The following ZFPM2 variants were observed in gnomAD, a reference collection of about 807,000 sequenced individuals.
The protein encoded by ZFPM2 is zinc finger protein, FOG family member 2, also known as zinc finger protein ZFPM2.
ZFPM2 carries 20 observed loss-of-function variants against 98.6 expected under a neutral mutation model. The ratio of observed to expected loss-of-function variants is 0.20; its 90% confidence interval spans 0.14 to 0.29. The LOEUF is 0.29. ZFPM2 is among the 10% of genes least tolerant of loss of function. The pLI, the probability that ZFPM2 is intolerant of heterozygous loss-of-function variation, is 1.00. For missense variants in ZFPM2, 1,310 were observed against 1,388.6 expected (o/e 0.94, Z 0.90); for synonymous variants, 518 against 502.7 (o/e 1.03, Z -0.41).
intron 2 of ZFPM2, among the ~76,000 whole-genome samples, chr8:105,425,421 TGTG>T (rs1811888353): frequency 1.3e-5 from 2 of 152,186 alleles, no homozygotes; most frequent in South Asian, 2.1e-4. Context: ...AGCTCATTAA[TGTG>T]GTTTCCAGAA....
At chr8:105,342,922 A>G (rs956546084) in intron 1 of ZFPM2, among the ~76,000 whole-genome samples, 14 of 152,194 alleles carry the variant, frequency 9.2e-5, no homozygotes, top group Admixed American at 5.2e-4. Flanking sequence ...ATAAAACCAA[A>G]AAAAATAATA....
At chr8:105,419,104 T>A (rs1286027027) in intron 1 of ZFPM2, 40 bp from the exon 2 acceptor site, 1 of 1,592,740 alleles carries the variant, frequency 6.3e-7, no homozygotes, top group Non-Finnish European at 8.5e-7. Flanking sequence ...ACTGTCTTCC[T>A]TGCATATTTT....
Position 105,459,444 on chromosome 8 carries a change from TCAAC to T in ZFPM2, c.301+15067_301+15070del, listed in dbSNP as rs569596720. ...ACCCTAGGGGCTCTCTCTGTGGTGATCAACCAAACTCCACTACTTTCCCCCCAAT... is the reference window on the plus strand; with the variant it reads ...ACCCTAGGGGCTCTCTCTGTGGTGATCAAACTCCACTACTTTCCCCCCAAT... On this transcript the variant is annotated intron_variant, in intron 3 of 7. Transcript: ENST00000407775. Among the ~76,000 whole-genome samples the T allele has an allele frequency of 2.1e-3, 327 of 152,234 alleles. 3 individuals are homozygous for T. The highest frequency in any genetic ancestry group is 3.6e-3 in the Non-Finnish European group (248 of 68,004).
chr8:105,593,406 T>G (rs62527240), intron 4 of ZFPM2, among the ~76,000 whole-genome samples: 1 of 152,048 alleles, frequency 6.6e-6, no homozygotes, highest in Non-Finnish European at 1.5e-5. Flanking sequence ...AAAAAAAAAT[T>G]ATTACCTTAT....
Position 105,561,398 on chromosome 8 carries a change from A to G in ZFPM2, c.337A>G (p.Lys113Glu). 6.2e-7 allele frequency: 1 copy of G among 1,613,582 alleles called. No individual in the cohort carries two copies. The highest frequency in any genetic ancestry group is 8.5e-7 in the Non-Finnish European group (1 of 1,179,654). Residue 113 changes from lysine (K) to glutamate (E), a missense_variant, in exon 4 of 8, where the codon AAA becomes GAA. Coordinates refer to ENST00000407775, the MANE Select transcript of ZFPM2 (RefSeq NM_012082.4). Reference sequence around the variant, plus strand: ...GGTGTTTCAGAAAGATGGGGAACGAAAAATTCAGAGTCGACAGCAACTTCC... The same window carrying G: ...GGTGTTTCAGAAAGATGGGGAACGAGAAATTCAGAGTCGACAGCAACTTCC... ...LEVFQKDGER[K>E]IQSRQQLPVG...
chr8:105,801,532 G>C lies in ZFPM2; in HGVS notation c.1450G>C (p.Val484Leu). Reference protein sequence around the residue: ...PSSPRLASSPVQPNIGPSFPV... With the variant: ...PSSPRLASSPLQPNIGPSFPV... ...TAGCCCAAGACTTGCCTCATCTCCA[G>C]TTCAGCCTAATATTGGGCCTTCTTT... is the stretch of plus-strand genomic sequence containing the variant. The change falls in exon 8 of 8, where the codon GTT (valine) becomes CTT (leucine). Residue 484 changes from valine (V) to leucine (L), a missense_variant. Transcript: ENST00000407775. 6.2e-7 allele frequency: 1 copy of C among 1,613,914 alleles called. No individual in the cohort carries two copies. The highest frequency in any genetic ancestry group is 8.5e-7 in the Non-Finnish European group (1 of 1,179,858).
At chr8:105,789,216 C>T (rs1341044847) in intron 6 of ZFPM2, among the ~76,000 whole-genome samples, 3 of 152,050 alleles carry the variant, frequency 2.0e-5, no homozygotes, top group African/African-American at 7.2e-5. Flanking sequence ...GGTATATCTC[C>T]CAATGCTATC....
chr8:105,765,536 C>A (rs1345669239), intron 5 of ZFPM2, among the ~76,000 whole-genome samples: 1 of 151,746 alleles, frequency 6.6e-6, no homozygotes, highest in East Asian at 1.9e-4. Context: ...TCTAATGAAG[C>A]TTGTATGAAT....
At chr8:105,664,291 TA>T (rs1490892488) in intron 5 of ZFPM2, among the ~76,000 whole-genome samples, 1 of 151,904 alleles carries the variant, frequency 6.6e-6, no homozygotes, top group Non-Finnish European at 1.5e-5. Flanking sequence ...TCACTTTCAT[TA>T]CACTTATACT....
chr8:105,547,199 A>C (rs1172505054), intron 3 of ZFPM2, among the ~76,000 whole-genome samples: 2 of 152,074 alleles, frequency 1.3e-5, no homozygotes, highest in Non-Finnish European at 2.9e-5. Context: ...TACTCTTGCT[A>C]TACATTTTCT....
chr8:105,432,021 C>T (rs1213342459), intron 2 of ZFPM2, among the ~76,000 whole-genome samples: 3 of 151,820 alleles, frequency 2.0e-5, no homozygotes, highest in Non-Finnish European at 2.9e-5. Context: ...GAGGGAACAG[C>T]ATTTGAGCGA....
intron 3 of ZFPM2, among the ~76,000 whole-genome samples, chr8:105,543,489 C>T (rs1814625003): frequency 6.6e-6 from 1 of 152,102 alleles, no homozygotes; most frequent in South Asian, 2.1e-4. Flanking sequence ...ATCATATGGG[C>T]TCTTCCTGAC....
chr8:105,710,435 T>C (rs1811357183), intron 5 of ZFPM2, among the ~76,000 whole-genome samples: 1 of 152,188 alleles, frequency 6.6e-6, no homozygotes, highest in Non-Finnish European at 1.5e-5. Context: ...AAGCAAGTTA[T>C]ATGAACATTC....
chr8:105,408,166 T>C (rs1185883026), intron 1 of ZFPM2, among the ~76,000 whole-genome samples: 1 of 151,952 alleles, frequency 6.6e-6, no homozygotes, highest in African/African-American at 2.4e-5. Flanking sequence ...AGTTTTGTTA[T>C]CACACCCTAC....
rs184474979 is a variant in ZFPM2, at chr8:105,652,494, C to G, written c.532+18137C>G. ...TGGATCAGAAATACATATAGATAAG[C>G]TATTCCCATCTATTTATGCATGTAT... On this transcript the variant is annotated intron_variant, in intron 5 of 7. Coordinates refer to ENST00000407775, the MANE Select transcript of ZFPM2 (RefSeq NM_012082.4). 7.5e-4 allele frequency among the ~76,000 whole-genome samples: 113 copies of G among 151,536 alleles called. 1 individual carries two copies. The East Asian group carries it at 0.02, about 27-fold the overall frequency.
At chr8:105,483,869 G>C (rs376161541) in intron 3 of ZFPM2, among the ~76,000 whole-genome samples, 1 of 151,482 alleles carries the variant, frequency 6.6e-6, no homozygotes, top group East Asian at 2.0e-4. Flanking sequence ...GAGTAGCTGG[G>C]ACTACAGGTG....
chr8:105,551,984 G>A (rs1814865105), intron 3 of ZFPM2, among the ~76,000 whole-genome samples: 3 of 151,988 alleles, frequency 2.0e-5, no homozygotes, highest in Non-Finnish European at 4.4e-5. Context: ...CTAAATTAAC[G>A]ACAGCAGCCT....
chr8:105,795,801 A>T, intron 6 of ZFPM2: 1 of 492,260 alleles, frequency 2.0e-6, no homozygotes, highest in Non-Finnish European at 4.1e-6. Flanking sequence ...GAGTCCCAAG[A>T]TCTGTGTTCT....
At chr8:105,582,623 C>T (rs1310617157) in intron 4 of ZFPM2, among the ~76,000 whole-genome samples, 5 of 152,122 alleles carry the variant, frequency 3.3e-5, no homozygotes, top group Non-Finnish European at 7.4e-5. Context: ...TAGACAGGGT[C>T]TCACTCTGTG....
Sources: gnomAD v4.1 joint callset for allele counts (sites outside exome capture counted in the v4.1 genomes callset) on GRCh38, gnomAD v4.1.1 for gene constraint, MANE v1.5 for transcripts, NCBI Gene and HGNC (gene_info 2026-07-23, HGNC 2026-07-21) for gene names.